HERC2: variants seen among roughly 807,000 people sequenced by gnomAD.
HERC2 encodes HECT and RLD domain containing E3 ubiquitin protein ligase 2, also known as E3 ubiquitin-protein ligase HERC2.
Under a neutral mutation model 537.7 loss-of-function variants are expected in HERC2, and 102 were observed. That is an observed-to-expected ratio of 0.19 (90% CI 0.16 to 0.22). The LOEUF (loss-of-function observed/expected upper bound fraction) is 0.22, where lower values mean the gene tolerates loss of function less well. Among genes scored for constraint, HERC2 ranks in the 10% least tolerant of loss-of-function variants. HERC2 has a pLI of 1.00. For missense variants in HERC2, 4,236 were observed against 6,198.2 expected (o/e 0.68, Z 10.63); for synonymous variants, 2,224 against 2,466.2 (o/e 0.90, Z 2.91).
chr15:28,152,212 T>C lies in HERC2; in HGVS notation c.10900+465A>G, dbSNP rs138268928. Reference sequence around the variant, plus strand: ...ACGTGTCCAGTCAGCAGATCCAGGCTGCAGTGAAGCCCGCCAGATCAAAGG... The same window carrying C: ...ACGTGTCCAGTCAGCAGATCCAGGCCGCAGTGAAGCCCGCCAGATCAAAGG... On this transcript the variant is annotated intron_variant, in intron 70 of 92. Transcript: ENST00000261609. Among the ~76,000 whole-genome samples the C allele has an allele frequency of 4.5e-3, 682 of 152,368 alleles. 9 individuals are homozygous for C. Among genetic ancestry groups the C allele is most frequent in the South Asian group, 0.03 (146 of 4,820 alleles).
chr15:28,192,701 G>A (rs1215016603), intron 52 of HERC2, among the ~76,000 whole-genome samples: 1 of 152,196 alleles, frequency 6.6e-6, no homozygotes, highest in Non-Finnish European at 1.5e-5. Flanking sequence ...TCAAGATGAC[G>A]CACACCACGG....
chr15:28,142,477 C>G, intron 75 of HERC2, 84 bp from the exon 76 acceptor site: 1 of 1,372,810 alleles, frequency 7.3e-7, no homozygotes, highest in Non-Finnish European at 9.9e-7. Flanking sequence ...TTCCGCAGGA[C>G]CTCCTATTCC....
intron 2 of HERC2, among the ~76,000 whole-genome samples, chr15:28,319,365 C>T (rs1348967132): frequency 6.6e-6 from 1 of 151,812 alleles, no homozygotes; most frequent in Admixed American, 6.6e-5. Context: ...GCAGGCAGAT[C>T]GCTTTGAGGT....
intron 69 of HERC2, among the ~76,000 whole-genome samples, chr15:28,159,563 GC>G (rs1893360652): frequency 6.6e-6 from 1 of 152,176 alleles, no homozygotes; most frequent in South Asian, 2.1e-4. Flanking sequence ...TAGTTCTCAT[GC>G]CATGGTTTTC....
At chr15:28,196,880 G>C (rs1440713065) in intron 50 of HERC2, among the ~76,000 whole-genome samples, 1 of 152,140 alleles carries the variant, frequency 6.6e-6, no homozygotes, top group African/African-American at 2.4e-5. Flanking sequence ...GTTTAAAATA[G>C]GACATTTTGG....
chr15:28,198,848 C>T, intron 48 of HERC2, 79 bp from the exon 49 acceptor site: 2 of 1,314,284 alleles, frequency 1.5e-6, no homozygotes, highest in East Asian at 2.3e-5. Flanking sequence ...TATTACTCTA[C>T]TCTTAATAAA....
chr15:28,199,012 C>A (rs1301831042), intron 48 of HERC2, among the ~76,000 whole-genome samples: 2 of 151,864 alleles, frequency 1.3e-5, no homozygotes, highest in East Asian at 3.9e-4. Flanking sequence ...CCAGACGTGG[C>A]GGTGCATGCC....
chr15:28,247,038 T>G, intron 21 of HERC2, 141 bp from the exon 22 acceptor site: 2 of 702,604 alleles, frequency 2.8e-6, no homozygotes, highest in Non-Finnish European at 4.7e-6. Context: ...TTAACCCTTG[T>G]CCTTGCGCTC....
intron 5 of HERC2, 148 bp from the exon 6 acceptor site, chr15:28,275,153 T>C: frequency 4.1e-6 from 2 of 484,986 alleles, no homozygotes; most frequent in Non-Finnish European, 7.4e-6. Context: ...TTTCGTTTTG[T>C]TGTTTAACAA....
rs1225690468 is a variant in HERC2, at chr15:28,312,348, T to C, written c.72+9014A>G. On this transcript the variant is annotated intron_variant, in intron 2 of 92. Coordinates refer to ENST00000261609, the MANE Select transcript of HERC2 (RefSeq NM_004667.6). ...CCGTGGCACTGAGAAGAATGGAGACTACAGGCAGGGCGTGGTGGCCCACGC... is the reference window on the plus strand; with the variant it reads ...CCGTGGCACTGAGAAGAATGGAGACCACAGGCAGGGCGTGGTGGCCCACGC... 3.3e-5 allele frequency among the ~76,000 whole-genome samples: 5 copies of C among 152,330 alleles called. No homozygotes were observed. In the East Asian group the frequency reaches 7.7e-4, roughly 23 times the overall value.
intron 57 of HERC2, among the ~76,000 whole-genome samples, chr15:28,180,451 G>A (rs947715876): frequency 6.6e-6 from 1 of 152,196 alleles, no homozygotes; most frequent in East Asian, 1.9e-4. Flanking sequence ...AAAGGCATTG[G>A]TTATCCCTTA....
At chr15:28,167,222 T>C (rs1894234702) in intron 68 of HERC2, among the ~76,000 whole-genome samples, 1 of 152,190 alleles carries the variant, frequency 6.6e-6, no homozygotes, top group Non-Finnish European at 1.5e-5. Flanking sequence ...CTTAACCAAG[T>C]GATAAGCTAT....
chr15:28,114,291 G>A (rs1303604453), intron 90 of HERC2, among the ~76,000 whole-genome samples: 3 of 152,210 alleles, frequency 2.0e-5, no homozygotes, highest in Non-Finnish European at 2.9e-5. Flanking sequence ...AGGGGGTTGA[G>A]ACAGCCCCAG....
Position 28,285,583 on chromosome 15 carries a change from T to C in HERC2, c.323-5296A>G, listed in dbSNP as rs939290957. 5.9e-5 allele frequency among the ~76,000 whole-genome samples: 9 copies of C among 151,508 alleles called. 1 individual carries two copies. In the East Asian group the frequency reaches 9.7e-4, roughly 16 times the overall value. On this transcript the variant is annotated intron_variant, in intron 4 of 92. Transcript: ENST00000261609. ...AATTTACAGCACTAAATAAATGATA[T>C]ATTAGAAACTTGGAAACAAATCAAT...
intron 83 of HERC2, among the ~76,000 whole-genome samples, chr15:28,126,321 T>TGGA (rs1210019613): frequency 6.6e-6 from 1 of 152,230 alleles, no homozygotes; most frequent in Non-Finnish European, 1.5e-5. Flanking sequence ...TGGAAAAGTA[T>TGGA]GGAGATTCCT....
intron 86 of HERC2, 79 bp downstream of exon 86, chr15:28,121,267 G>A (rs1888854995): frequency 1.6e-6 from 2 of 1,281,740 alleles, no homozygotes; most frequent in South Asian, 2.4e-5. Flanking sequence ...GGCTACCAGC[G>A]CTCTCGTCCC....
intron 69 of HERC2, among the ~76,000 whole-genome samples, chr15:28,156,299 GA>G (rs1344921957): frequency 1.3e-5 from 2 of 152,220 alleles, no homozygotes; most frequent in Admixed American, 1.3e-4. Flanking sequence ...ATTCTGTGAA[GA>G]AAGTCATTGG....
chr15:28,163,072 C>T, intron 69 of HERC2, 22 bp downstream of exon 69: 1 of 1,591,212 alleles, frequency 6.3e-7, no homozygotes. Context: ...AATCAGACGG[C>T]CCCGCCCTCC....
At position 28,113,322 on chromosome 15, in the gene HERC2, C is replaced by T; in HGVS notation, c.14020-39G>A. 6.3e-7 allele frequency: 1 copy of T among 1,590,422 alleles called. No homozygotes were observed. The highest frequency in any genetic ancestry group is 8.6e-7 in the Non-Finnish European group (1 of 1,159,214). On this transcript the variant is annotated intron_variant, in intron 91 of 92. Coordinates refer to ENST00000261609, the MANE Select transcript of HERC2 (RefSeq NM_004667.6). The surrounding 1 kb of genome is among the most constrained non-coding windows in gnomAD (Gnocchi z 7.0). ...TCTGTCAGGGCCGCGTGATGCTTCC[C>T]ACCCTGGCATTTCCGCAAGACTCCG...
Sources: allele counts gnomAD v4.1 joint callset (sites outside exome capture counted in the v4.1 genomes callset), GRCh38; gene constraint gnomAD v4.1.1; non-coding constraint Gnocchi (gnomAD v3.1); transcripts MANE v1.5; gene names NCBI Gene and HGNC (gene_info 2026-07-23, HGNC 2026-07-21).